PDE8B: variants seen among roughly 807,000 people sequenced by gnomAD.
PDE8B encodes high affinity cAMP-specific and IBMX-insensitive 3',5'-cyclic phosphodiesterase 8B.
A neutral mutation model predicts 101.3 loss-of-function variants in PDE8B; 26 were observed. The ratio of observed to expected loss-of-function variants is 0.26; its 90% CI spans 0.19 to 0.36. The LOEUF (loss-of-function observed/expected upper bound fraction) is 0.36. Among genes scored for constraint, PDE8B ranks in the 10% least tolerant of loss-of-function variants. The pLI is 1.00. For missense variants in PDE8B, 810 were observed against 1,163.1 expected (o/e 0.70, Z 4.42); for synonymous variants, 424 against 429.3 (o/e 0.99, Z 0.15).
chr5:77,243,292 A>C (rs1756156834), intron 1 of PDE8B, among the ~76,000 whole-genome samples: 1 of 152,214 alleles, frequency 6.6e-6, no homozygotes, highest in African/African-American at 2.4e-5. Context: ...TCTGTATGTT[A>C]AGTAAGCCAT....
At position 77,251,089 on chromosome 5, in the gene PDE8B, T is replaced by G. The variant is rs144018071; in HGVS notation, c.339+39825T>G. On this transcript the variant is annotated intron_variant, in intron 1 of 21. Coordinates refer to ENST00000264917, the MANE Select transcript of PDE8B (RefSeq NM_003719.5). ...AAGTCAGACTGTCTGGCTTTGTATCTCAACCCTACCACTTAGCTGTGTAAC... is the reference window on the plus strand; with the variant it reads ...AAGTCAGACTGTCTGGCTTTGTATCGCAACCCTACCACTTAGCTGTGTAAC... Among the ~76,000 whole-genome samples the G allele has an allele frequency of 2.4e-4, 36 of 152,332 alleles. No homozygotes were observed. In the East Asian group the frequency reaches 6.9e-3, roughly 29 times the overall value.
chr5:77,288,438 C>T (rs1273124938), intron 1 of PDE8B, among the ~76,000 whole-genome samples: 1 of 152,206 alleles, frequency 6.6e-6, no homozygotes, highest in Non-Finnish European at 1.5e-5. Flanking sequence ...TGGTATCTAT[C>T]TGATACTTTC....
intron 1 of PDE8B, among the ~76,000 whole-genome samples, chr5:77,236,506 G>A (rs1408689921): frequency 2.6e-5 from 4 of 152,212 alleles, no homozygotes; most frequent in Admixed American, 6.5e-5. Flanking sequence ...TGAATGCCAA[G>A]TGGAAAAAGT....
At chr5:77,408,671 A>G (rs1395323575) in intron 13 of PDE8B, among the ~76,000 whole-genome samples, 1 of 152,168 alleles carries the variant, frequency 6.6e-6, no homozygotes, top group Non-Finnish European at 1.5e-5. Context: ...TGAATCTGCA[A>G]GGGAGCCTGA....
chr5:77,392,480 G>A (rs891993122), intron 10 of PDE8B, among the ~76,000 whole-genome samples: 4 of 152,210 alleles, frequency 2.6e-5, no homozygotes. Flanking sequence ...GATTCAGAGG[G>A]ATGTGTAGGA....
At chr5:77,387,091 G>A (rs191228059) in intron 10 of PDE8B, among the ~76,000 whole-genome samples, 12 of 151,316 alleles carry the variant, frequency 7.9e-5, no homozygotes, top group Admixed American at 7.9e-4. Context: ...CACCTTGTTA[G>A]CCAGGATGGT....
the PDE8B span, chr5:77,141,211 A>G: frequency 6.6e-6 from 1 of 152,196 alleles, no homozygotes; most frequent in Non-Finnish European, 1.5e-5. Context: ...ATGCTTTAAC[A>G]TGCTACCTTG....
the PDE8B span, among the ~76,000 whole-genome samples, chr5:77,107,170 C>T: frequency 2.9e-3 from 444 of 152,084 alleles, 4 homozygotes; most frequent in Middle Eastern, 0.024. Flanking sequence ...TCTGTCCTTG[C>T]GATAGTTTGC....
At chr5:77,260,582 ATTT>A (rs34008487) in intron 1 of PDE8B, among the ~76,000 whole-genome samples, 3 of 114,932 alleles carry the variant, frequency 2.6e-5, no homozygotes, top group Non-Finnish European at 5.2e-5. Context: ...ACTGTGGCTC[ATTT>A]TTTTTTTTTT....
the PDE8B span, among the ~76,000 whole-genome samples, chr5:77,099,734 C>T: frequency 6.6e-5 from 10 of 152,036 alleles, no homozygotes; most frequent in Non-Finnish European, 1.5e-4. Flanking sequence ...CTCAGCCTCC[C>T]GAGTAGCTGG....
chr5:77,314,187 A>G (rs1338035972), intron 2 of PDE8B, among the ~76,000 whole-genome samples: 1 of 152,116 alleles, frequency 6.6e-6, no homozygotes, highest in African/African-American at 2.4e-5. Context: ...TTTGTCGAAA[A>G]TCAGTCATAA....
the PDE8B span, among the ~76,000 whole-genome samples, chr5:77,155,564 G>A: frequency 6.6e-6 from 1 of 152,282 alleles, no homozygotes; most frequent in African/African-American, 2.4e-5. Context: ...GAATAATAGT[G>A]TGTATTTCCT....
intron 1 of PDE8B, among the ~76,000 whole-genome samples, chr5:77,217,765 G>A (rs1183696975): frequency 6.6e-6 from 1 of 152,120 alleles, no homozygotes; most frequent in African/African-American, 2.4e-5. Flanking sequence ...TCAAACTCCT[G>A]AGCTCAAGTT....
intron 10 of PDE8B, among the ~76,000 whole-genome samples, chr5:77,378,042 A>T (rs1279297243): frequency 6.9e-6 from 1 of 145,670 alleles, no homozygotes; most frequent in African/African-American, 2.7e-5. Context: ...ACACACACAC[A>T]CACACACCCC....
At chr5:77,166,260 C>T in the PDE8B span, among the ~76,000 whole-genome samples, 2 of 142,738 alleles carry the variant, frequency 1.4e-5, no homozygotes, top group Non-Finnish European at 3.1e-5. Flanking sequence ...ACAAAAAAAA[C>T]CCCACAACCT....
intron 10 of PDE8B, among the ~76,000 whole-genome samples, chr5:77,392,034 A>ATTTT (rs1790056326): frequency 4.6e-5 from 7 of 152,224 alleles, no homozygotes; most frequent in Non-Finnish European, 1.0e-4. Flanking sequence ...GGGAAATAAA[A>ATTTT]ATGTCCCATA....
At chr5:77,146,969 G>A in the PDE8B span, 1 of 453,124 alleles carries the variant, frequency 2.2e-6, no homozygotes, top group Admixed American at 2.7e-5. Context: ...AAGAGATGTG[G>A]AAGGGCACTG....
At chr5:77,167,688 C>T in the PDE8B span, among the ~76,000 whole-genome samples, 1 of 152,164 alleles carries the variant, frequency 6.6e-6, no homozygotes, top group African/African-American at 2.4e-5. Context: ...AAAAGACAAG[C>T]TGGCTGCTCC....
chr5:77,423,632 G>GTTTTTTTTTTATTTTTTTTTTTTT (rs1797212351), intron 20 of PDE8B, among the ~76,000 whole-genome samples: 1 of 74,042 alleles, frequency 1.4e-5, no homozygotes. Context: ...GTTTTGTTTA[G>GTTTTTTTTTTATTTTTTTTTTTTT]TTTTTTTTTT....
Sources: gnomAD v4.1 joint callset for allele counts (sites outside exome capture counted in the v4.1 genomes callset) on GRCh38, gnomAD v4.1.1 for gene constraint, MANE v1.5 for transcripts, NCBI Gene and HGNC (gene_info 2026-07-23, HGNC 2026-07-21) for gene names.